The following SESN2 variants were observed in gnomAD, a reference collection of about 807,000 sequenced individuals.
SESN2 encodes sestrin-2.
A neutral mutation model predicts 56.0 loss-of-function variants in SESN2; 42 were observed. That is an observed-to-expected ratio of 0.75 (90% confidence interval 0.59 to 0.97). The LOEUF (loss-of-function observed/expected upper bound fraction) is 0.97. Ranked by LOEUF, SESN2 falls within the 50% of genes least tolerant of loss-of-function variation. SESN2 has a pLI of 0.00. For missense variants in SESN2, 507 were observed against 649.4 expected (o/e 0.78, Z 2.38); for synonymous variants, 264 against 267.1 (o/e 0.99, Z 0.11).
intron 1 of SESN2, among the ~76,000 whole-genome samples, chr1:28,268,526 G>A (rs1336994534): frequency 2.6e-5 from 4 of 152,118 alleles, no homozygotes; most frequent in African/African-American, 4.8e-5. Context: ...TTAGGTGAGC[G>A]TGGTTGTGCA....
intron 1 of SESN2, among the ~76,000 whole-genome samples, chr1:28,260,932 A>G (rs986943788): frequency 6.6e-6 from 1 of 152,162 alleles, no homozygotes; most frequent in African/African-American, 2.4e-5. Flanking sequence ...AAGCTACGCT[A>G]TAGCCCCATT....
chr1:28,279,545 G>GT (rs995954344), intron 9 of SESN2, among the ~76,000 whole-genome samples: 1 of 151,260 alleles, frequency 6.6e-6, no homozygotes, highest in African/African-American at 2.4e-5. Context: ...ATCTCGCTGA[G>GT]TTTTTTTGTT....
At chr1:28,274,338 C>G (rs1381715051) in intron 7 of SESN2, among the ~76,000 whole-genome samples, 180 bp downstream of exon 7, 1 of 152,138 alleles carries the variant, frequency 6.6e-6, no homozygotes, top group East Asian at 1.9e-4. Flanking sequence ...TTGAGACTAG[C>G]CTGGGCAACA....
intron 1 of SESN2, among the ~76,000 whole-genome samples, chr1:28,265,732 C>G (rs1323569170): frequency 6.6e-6 from 1 of 152,042 alleles, no homozygotes; most frequent in African/African-American, 2.4e-5. Flanking sequence ...GCTGTGTTGT[C>G]CAGACTGTTC....
chr1:28,260,041 A>G, intron 1 of SESN2, 104 bp downstream of exon 1: 1 of 840,274 alleles, frequency 1.2e-6, no homozygotes, highest in Non-Finnish European at 1.7e-6. Flanking sequence ...TCGGGGAGGG[A>G]AAGCCGAGCG....
At chr1:28,271,507 T>C (rs1203309750) in intron 2 of SESN2, among the ~76,000 whole-genome samples, 167 bp from the exon 3 acceptor site, 2 of 152,232 alleles carry the variant, frequency 1.3e-5, no homozygotes, top group Non-Finnish European at 2.9e-5. Context: ...CTAATAAGTA[T>C]TTATTGAATC....
At position 28,267,516 on chromosome 1, in the gene SESN2, C is replaced by T. The variant is rs539610538; in HGVS notation, c.91-1667C>T. On this transcript the variant is annotated intron_variant, in intron 1 of 9. Coordinates refer to ENST00000253063, the MANE Select transcript of SESN2 (RefSeq NM_031459.5). ...ATTATAGTTTTTGGTTCCCGGATAC[C>T]TGAGGGCTGGTACTAAGTCTGGATC... Among the ~76,000 whole-genome samples, 39 of 152,166 alleles carry T rather than the reference C, an allele frequency of 2.6e-4. No individual in the cohort carries two copies. In the South Asian group the frequency reaches 7.9e-3, roughly 31 times the overall value.
chr1:28,273,512 C>T lies in SESN2; in HGVS notation c.901+4C>T, dbSNP rs767759424. 1.3e-6 allele frequency: 2 copies of T among 1,584,484 alleles called. No individual in the cohort carries two copies. Among genetic ancestry groups the T allele is most frequent in the Non-Finnish European group, 1.7e-6 (2 of 1,166,196 alleles). On this transcript the variant is annotated splice_donor_region_variant and intron_variant, in intron 6 of 9. Transcript: ENST00000253063. ...AGCCTGCTGGTGACCCCCTCAGGTA[C>T]AGGGTCACAGGCATCCAGGCTCCCG...
rs545909489 is a variant in SESN2, at chr1:28,266,198, G to A, written c.91-2985G>A. Among the ~76,000 whole-genome samples the A allele has an allele frequency of 1.4e-4, 22 of 152,258 alleles. No individual in the cohort carries two copies. In the South Asian group the frequency reaches 3.5e-3, roughly 24 times the overall value. ...GGTGTAAACAATGGTCCTCACCCTGGCTGTTATGCTGGGGCCCCACCCCAG... is the reference window on the plus strand; with the variant it reads ...GGTGTAAACAATGGTCCTCACCCTGACTGTTATGCTGGGGCCCCACCCCAG... On this transcript the variant is annotated intron_variant, in intron 1 of 9. Transcript: ENST00000253063.
At chr1:28,275,374 C>T (rs1647998041) in intron 8 of SESN2, among the ~76,000 whole-genome samples, 1 of 152,096 alleles carries the variant, frequency 6.6e-6, no homozygotes, top group South Asian at 2.1e-4. Flanking sequence ...TAGTAATTCT[C>T]CCATAATAAA....
intron 1 of SESN2, among the ~76,000 whole-genome samples, chr1:28,265,687 G>T (rs534106282): frequency 1.3e-5 from 2 of 152,172 alleles, no homozygotes; most frequent in East Asian, 1.9e-4. Flanking sequence ...GAGCCACTGC[G>T]CCCGGCCTGT....
chr1:28,259,896 C>A lies in SESN2; in HGVS notation c.49C>A (p.Arg17=). ...CCGCGCAGAGCTCAAGGACTACCTG[C>A]GGTTCGCCCCGGGCGGCGTCGGCGA... is the stretch of plus-strand genomic sequence containing the variant. ...ECRAELKDYL[R]FAPGGVGDSG... is the part of the protein sequence containing the mutation. The change falls in exon 1 of 10, where the codon CGG becomes AGG. Residue 17 remains arginine (R), a synonymous_variant. Coordinates refer to ENST00000253063, the MANE Select transcript of SESN2 (RefSeq NM_031459.5). 1 of 1,453,638 alleles carries A rather than the reference C, an allele frequency of 6.9e-7. No homozygotes were observed. Among genetic ancestry groups the A allele is most frequent in the Non-Finnish European group, 9.0e-7 (1 of 1,107,334 alleles). 90.0% of individuals were successfully genotyped at this position (1,453,638 alleles called of 1,614,324 possible). A position where few individuals can be genotyped will look rare whatever the true frequency, so the allele number is the denominator to read the frequency against.
chr1:28,266,206 G>A (rs753228940), intron 1 of SESN2, among the ~76,000 whole-genome samples: 8 of 152,198 alleles, frequency 5.3e-5, no homozygotes, highest in Non-Finnish European at 8.8e-5. Flanking sequence ...TGGCTGTTAT[G>A]CTGGGGCCCC....
intron 8 of SESN2, among the ~76,000 whole-genome samples, chr1:28,275,356 A>G (rs1647997698): frequency 1.3e-5 from 2 of 152,122 alleles, no homozygotes; most frequent in African/African-American, 4.8e-5. Flanking sequence ...TTGTATTTCC[A>G]TTCTGAGTAG....
Position 28,272,674 on chromosome 1 carries a change from G to A in SESN2, c.631G>A (p.Val211Met), listed in dbSNP as rs776626676. The change falls in exon 5 of 10, where the codon GTG becomes ATG. Residue 211 changes from valine to methionine, a missense_variant. By Grantham distance (21) the Val-to-Met change is conservative. Coordinates refer to ENST00000253063, the MANE Select transcript of SESN2 (RefSeq NM_031459.5). ...LTHCHSLSSFVFGCGILPEGD... is the reference protein window; with the variant it reads ...LTHCHSLSSFMFGCGILPEGD... ...CCACTGCCACTCGCTCTCCTCCTTC[G>A]TGTTTGGCTGTGGCATCCTCCCTGA... The A allele has an allele frequency of 1.2e-5, 20 of 1,614,070 alleles. No homozygotes were observed. The highest frequency in any genetic ancestry group is 1.7e-5 in the Admixed American group (1 of 60,004).
At chr1:28,275,877 G>A (rs1396503614) in intron 8 of SESN2, among the ~76,000 whole-genome samples, 1 of 152,064 alleles carries the variant, frequency 6.6e-6, no homozygotes, top group Non-Finnish European at 1.5e-5. Context: ...AACATAGTGA[G>A]ACCCCCATCT....
intron 1 of SESN2, among the ~76,000 whole-genome samples, chr1:28,263,935 A>G (rs2149036057): frequency 1.3e-5 from 2 of 152,264 alleles, no homozygotes; most frequent in Middle Eastern, 6.8e-3. Flanking sequence ...TGCTTAAATT[A>G]GGATCCATGC....
Position 28,259,518 on chromosome 1 carries a change from G to A in SESN2, c.-330G>A. 1 of 266,570 alleles carries A rather than the reference G, an allele frequency of 3.8e-6. No homozygotes were observed. The allele number at this position is 266,570 out of a possible 1,614,324, so 16.5% of individuals were successfully genotyped here. On this transcript the variant is annotated 5_prime_UTR_variant, in exon 1 of 10. Coordinates refer to ENST00000253063, the MANE Select transcript of SESN2 (RefSeq NM_031459.5). ...CTGCTGGTGTCAGAGCCCGGCGAGC[G>A]CTGGCAGTTCCGCGGCGGGGATGCT...
chr1:28,281,646 G>C lies in SESN2; in HGVS notation c.*844G>C, dbSNP rs541282292. ...GTTCTCCCAGAGCTGCACCTGCCTCGCAGAGGCCAGCACCCCACTCTCCTG... is the reference window on the plus strand; with the variant it reads ...GTTCTCCCAGAGCTGCACCTGCCTCCCAGAGGCCAGCACCCCACTCTCCTG... On this transcript the variant is annotated 3_prime_UTR_variant, in exon 10 of 10. Coordinates refer to ENST00000253063, the MANE Select transcript of SESN2 (RefSeq NM_031459.5). The C allele has an allele frequency of 2.0e-5, 3 of 152,182 alleles. No individual in the cohort carries two copies. The highest frequency in any genetic ancestry group is 4.4e-5 in the Non-Finnish European group (3 of 68,060). The allele number at this position is 152,182 out of a possible 1,614,324, so 9.4% of individuals were successfully genotyped here.
Sources: allele counts gnomAD v4.1 joint callset (sites outside exome capture counted in the v4.1 genomes callset), GRCh38; gene constraint gnomAD v4.1.1; transcripts MANE v1.5; gene names NCBI Gene and HGNC (gene_info 2026-07-23, HGNC 2026-07-21).